The following KIF3B variants were observed in gnomAD, a reference collection of about 807,000 sequenced individuals.
The protein encoded by KIF3B is kinesin family member 3B, also known as kinesin-like protein KIF3B.
Under a neutral mutation model 74.3 loss-of-function variants are expected in KIF3B, and 38 were observed. That is an observed-to-expected ratio of 0.51 (90% CI 0.39 to 0.67). KIF3B has a LOEUF of 0.67. Among genes scored for constraint, KIF3B ranks in the 30% least tolerant of loss-of-function variants. The pLI is 0.00. For missense variants in KIF3B, 649 were observed against 932.0 expected (o/e 0.70, Z 3.95); for synonymous variants, 326 against 342.5 (o/e 0.95, Z 0.53).
chr20:32,289,787 A>G (rs1396964160), intron 1 of KIF3B, among the ~76,000 whole-genome samples: 1 of 152,196 alleles, frequency 6.6e-6, no homozygotes, highest in Non-Finnish European at 1.5e-5. Flanking sequence ...TTGTCCAGAA[A>G]CAATCGGATT....
intron 1 of KIF3B, among the ~76,000 whole-genome samples, chr20:32,289,978 C>T (rs761228380): frequency 3.3e-5 from 5 of 152,112 alleles, no homozygotes; most frequent in African/African-American, 7.2e-5. Context: ...GTGGGCCAGA[C>T]GCTTGCTGCC....
chr20:32,285,114 A>G (rs1289409270), intron 1 of KIF3B, among the ~76,000 whole-genome samples: 1 of 152,032 alleles, frequency 6.6e-6, no homozygotes, highest in Admixed American at 6.6e-5. Context: ...AAAAAAAAAA[A>G]AACAGTGACT....
At position 32,310,766 on chromosome 20, in the gene KIF3B, C is replaced by T; in HGVS notation, c.989C>T (p.Thr330Ile). 1 of 1,614,196 alleles carries T rather than the reference C, an allele frequency of 6.2e-7. No individual in the cohort carries two copies. The highest frequency in any genetic ancestry group is 8.5e-7 in the Non-Finnish European group (1 of 1,180,032). The change falls in exon 2 of 9, where the codon ACT becomes ATT. Residue 330 changes from threonine to isoleucine, a missense_variant. Coordinates refer to ENST00000375712, the MANE Select transcript of KIF3B (RefSeq NM_004798.4). This position sits in a 1 kb window ranked among gnomAD's most constrained non-coding sequence, Gnocchi z 6.5. The stretch of plus-strand genomic sequence containing the variant: ...TACAACGTAGAAGAGACTCTGACCA[C>T]TCTGCGATATGCCAACCGTGCCAAA... ...ASYNVEETLT[T>I]LRYANRAKNI...
chr20:32,291,607 T>G (rs531005840), intron 1 of KIF3B, among the ~76,000 whole-genome samples: 1 of 142,816 alleles, frequency 7.0e-6, no homozygotes, highest in South Asian at 2.2e-4. Context: ...TTTCCTTGAT[T>G]GTCTTATACA....
intron 1 of KIF3B, among the ~76,000 whole-genome samples, chr20:32,291,941 G>T (rs2047693476): frequency 6.7e-6 from 1 of 149,872 alleles, no homozygotes; most frequent in Non-Finnish European, 1.5e-5. Context: ...TTGAGACAGG[G>T]TCTCACTGTA....
chr20:32,316,771 C>T lies in KIF3B; in HGVS notation c.1645C>T (p.Gln549Ter). ...KKLKKLFSKL[Q>*]AVKAEIHDLQ... is the part of the protein sequence containing the mutation. ...CTCATTCCAGCTCTTCTCCAAGCTT[C>T]AGGCAGTGAAGGCTGAGATCCATGA... is the stretch of plus-strand genomic sequence containing the variant. The change falls in exon 5 of 9, where the codon CAG (glutamine) becomes TAG (stop). Residue 549 changes from glutamine to a stop codon, truncating the protein, a stop_gained. Transcript: ENST00000375712. LOFTEE classifies it high-confidence loss of function. The T allele has an allele frequency of 6.2e-7, 1 of 1,614,080 alleles. No individual in the cohort carries two copies. Among genetic ancestry groups the T allele is most frequent in the Non-Finnish European group, 8.5e-7 (1 of 1,179,962 alleles).
chr20:32,298,798 G>A (rs2047728240), intron 1 of KIF3B, among the ~76,000 whole-genome samples: 1 of 151,930 alleles, frequency 6.6e-6, no homozygotes, highest in African/African-American at 2.4e-5. Context: ...TGGAGTAGCT[G>A]TAGGTAGTAG....
chr20:32,321,882 A>G (rs527412296), intron 5 of KIF3B, among the ~76,000 whole-genome samples: 1 of 151,896 alleles, frequency 6.6e-6, no homozygotes, highest in Non-Finnish European at 1.5e-5. Flanking sequence ...AATAGACTAC[A>G]GTATAGTGTA....
Position 32,331,288 on chromosome 20 carries a change from A to T in KIF3B, c.2213A>T (p.Tyr738Phe). The T allele has an allele frequency of 6.2e-7, 1 of 1,613,368 alleles. No individual in the cohort carries two copies. Among genetic ancestry groups the T allele is most frequent in the South Asian group, 1.1e-5 (1 of 90,984 alleles). Residue 738 changes from tyrosine to phenylalanine, a missense_variant, in exon 9 of 9, where the codon TAT becomes TTT. Coordinates refer to ENST00000375712, the MANE Select transcript of KIF3B (RefSeq NM_004798.4). ...TCAGGAACCCCTGCATCTCAGCTTTATCCACAGTCTCGGGGGCTGGTTCCA... is the reference window on the plus strand; with the variant it reads ...TCAGGAACCCCTGCATCTCAGCTTTTTCCACAGTCTCGGGGGCTGGTTCCA... ...SSSGTPASQL[Y>F]PQSRGLVPK
At chr20:32,301,866 A>G (rs1291602348) in intron 1 of KIF3B, among the ~76,000 whole-genome samples, 4 of 152,224 alleles carry the variant, frequency 2.6e-5, no homozygotes, top group African/African-American at 4.8e-5. Flanking sequence ...TCTAAACACA[A>G]AAGAGTTGGA....
Position 32,305,671 on chromosome 20 carries a change from C to T in KIF3B, c.-65-4042C>T, listed in dbSNP as rs182227167. Among the ~76,000 whole-genome samples, 495 of 150,826 alleles carry T rather than the reference C, an allele frequency of 3.3e-3. 2 individuals carry two copies. The highest frequency in any genetic ancestry group is 5.3e-3 in the Non-Finnish European group (357 of 67,802). On this transcript the variant is annotated intron_variant, in intron 1 of 8. Coordinates refer to ENST00000375712, the MANE Select transcript of KIF3B (RefSeq NM_004798.4). ...AATCTTGGCTCACTGCAGCCTCCGC[C>T]TCCCAGGTTCAAACAATTCTGCTGC...
intron 1 of KIF3B, among the ~76,000 whole-genome samples, chr20:32,295,256 A>G (rs1356897231): frequency 6.6e-6 from 1 of 151,748 alleles, no homozygotes; most frequent in Non-Finnish European, 1.5e-5. Context: ...CAGTTCACGC[A>G]ACTGTTTGGC....
chr20:32,333,404 G>A lies in KIF3B; in HGVS notation c.*2085G>A, dbSNP rs994102306. 3 of 151,930 alleles carry A rather than the reference G, an allele frequency of 2.0e-5. No homozygotes were observed. Among genetic ancestry groups the A allele is most frequent in the Admixed American group, 6.6e-5 (1 of 15,246 alleles). The allele number at this position is 151,930 out of a possible 1,614,324, so 9.4% of individuals were successfully genotyped here. On this transcript the variant is annotated 3_prime_UTR_variant, in exon 9 of 9. Coordinates refer to ENST00000375712, the MANE Select transcript of KIF3B (RefSeq NM_004798.4). Reference sequence around the variant, plus strand: ...TCCTAGCACTTTGGGAGGCCGAGGTGGGTGGACCACCTGAGGTTAGGACTT... The same window carrying A: ...TCCTAGCACTTTGGGAGGCCGAGGTAGGTGGACCACCTGAGGTTAGGACTT...
At chr20:32,316,977 T>C in intron 5 of KIF3B, 103 bp downstream of exon 5, 1 of 843,510 alleles carries the variant, frequency 1.2e-6, no homozygotes. Flanking sequence ...GGCCTACGCC[T>C]GTAATCCCAG....
At chr20:32,316,464 T>G in intron 3 of KIF3B, 63 bp from the exon 4 acceptor site, 4 of 1,606,818 alleles carry the variant, frequency 2.5e-6, no homozygotes, top group Non-Finnish European at 3.4e-6. Context: ...TGATCCTAGC[T>G]TGGGGAACCC....
intron 1 of KIF3B, among the ~76,000 whole-genome samples, chr20:32,282,068 A>T (rs970359761): frequency 2.0e-5 from 3 of 152,070 alleles, no homozygotes; most frequent in African/African-American, 7.2e-5. Flanking sequence ...TGGAGAAGGG[A>T]CGTGGCATGA....
At position 32,311,180 on chromosome 20, in the gene KIF3B, A is replaced by G. The variant is rs1302454820; in HGVS notation, c.1403A>G (p.Lys468Arg). The change falls in exon 2 of 9, where the codon AAG becomes AGG. Residue 468 changes from lysine to arginine, a missense_variant and splice_region_variant. Transcript: ENST00000375712. Reference sequence around the variant, plus strand: ...GCCGAGATGCTGGGCGCCAAGATCAAGGTACCATACCCGTACCCTTCCTTA... The same window carrying G: ...GCCGAGATGCTGGGCGCCAAGATCAGGGTACCATACCCGTACCCTTCCTTA... ...DAAEMLGAKI[K>R]AMESKLLVGG... is the part of the protein sequence containing the mutation. 6.2e-7 allele frequency: 1 copy of G among 1,606,500 alleles called. No homozygotes were observed. The highest frequency in any genetic ancestry group is 1.7e-5 in the Admixed American group (1 of 59,074).
intron 1 of KIF3B, among the ~76,000 whole-genome samples, chr20:32,295,854 C>CTT (rs66566110): frequency 5.4e-5 from 6 of 110,854 alleles, no homozygotes; most frequent in African/African-American, 1.4e-4. Context: ...TTTTTATTAT[C>CTT]TTTTTTTTTT....
At chr20:32,330,355 A>G (rs1412984505) in intron 8 of KIF3B, 36 bp downstream of exon 8, 4 of 1,583,258 alleles carry the variant, frequency 2.5e-6, no homozygotes, top group Non-Finnish European at 2.6e-6. Flanking sequence ...TAAACAGAAC[A>G]TGTTTGAACA....
Sources: allele counts gnomAD v4.1 joint callset (sites outside exome capture counted in the v4.1 genomes callset), GRCh38; gene constraint gnomAD v4.1.1; non-coding constraint Gnocchi (gnomAD v3.1); transcripts MANE v1.5; gene names NCBI Gene and HGNC (gene_info 2026-07-23, HGNC 2026-07-21).